The following GPC6 variants were observed in gnomAD, a reference collection of about 807,000 sequenced individuals.
GPC6 encodes the protein glypican-6.
Under a neutral mutation model 55.2 loss-of-function variants are expected in GPC6, and 14 were observed. That is an observed-to-expected ratio of 0.25 (90% confidence interval 0.17 to 0.40). The LOEUF (loss-of-function observed/expected upper bound fraction) is 0.40, where lower values mean the gene tolerates loss of function less well. GPC6 is among the 10% of genes least tolerant of loss of function. The pLI, the probability that GPC6 is intolerant of heterozygous loss-of-function variation, is 1.00. For synonymous variants in GPC6, 278 were observed against 259.6 expected, an observed-to-expected ratio of 1.07 and a Z score of -0.68; for missense variants, 641 against 708.5, an observed-to-expected ratio of 0.90 and a Z score of 1.08.
chr13:94,307,588 C>T (rs1876016832), intron 6 of GPC6, among the ~76,000 whole-genome samples: 2 of 152,194 alleles, frequency 1.3e-5, no homozygotes, highest in Admixed American at 1.3e-4. Context: ...GCTGGGATTA[C>T]AGGCATGAGC....
intron 2 of GPC6, among the ~76,000 whole-genome samples, chr13:93,670,170 C>A (rs1465852618): frequency 1.3e-5 from 2 of 152,104 alleles, no homozygotes; most frequent in Admixed American, 1.3e-4. Context: ...AGTTTGCTTG[C>A]CAATAATAAA....
intron 4 of GPC6, among the ~76,000 whole-genome samples, chr13:94,272,366 C>T (rs751019046): frequency 2.6e-5 from 4 of 151,328 alleles, no homozygotes; most frequent in Non-Finnish European, 4.4e-5. Context: ...TGCTTAACTG[C>T]AATATGCTGG....
chr13:93,384,256 A>G (rs1403058724), intron 1 of GPC6, among the ~76,000 whole-genome samples: 2 of 152,168 alleles, frequency 1.3e-5, no homozygotes, highest in Non-Finnish European at 2.9e-5. Flanking sequence ...TGCTTTAGAG[A>G]CAAAAAGGAA....
intron 2 of GPC6, among the ~76,000 whole-genome samples, chr13:93,819,744 A>G (rs566474037): frequency 6.6e-6 from 1 of 152,344 alleles, no homozygotes; most frequent in African/African-American, 2.4e-5. Context: ...CACATTTCAG[A>G]CTTAATTCAT....
chr13:93,435,505 T>C (rs1448198253), intron 1 of GPC6, among the ~76,000 whole-genome samples: 1 of 152,130 alleles, frequency 6.6e-6, no homozygotes, highest in African/African-American at 2.4e-5. Context: ...GTTTTGTTTG[T>C]AAAATCAGAT....
chr13:93,973,953 C>T (rs905693960), intron 3 of GPC6, among the ~76,000 whole-genome samples: 2 of 152,194 alleles, frequency 1.3e-5, no homozygotes, highest in Non-Finnish European at 2.9e-5. Context: ...TTTCTTTCAA[C>T]TCAACTCTCC....
At chr13:93,561,426 T>TATATATATATATATATATATATA (rs61094312) in intron 2 of GPC6, among the ~76,000 whole-genome samples, 117 of 143,342 alleles carry the variant, frequency 8.2e-4, no homozygotes, top group African/African-American at 1.2e-3. Context: ...TATATATATA[T>TATATATATATATATATATATATA]TTGTTGCAGT....
intron 1 of GPC6, among the ~76,000 whole-genome samples, chr13:93,481,888 C>G (rs1879535648): frequency 6.6e-6 from 1 of 152,040 alleles, no homozygotes; most frequent in African/African-American, 2.4e-5. Flanking sequence ...ATCATTTTTA[C>G]TATTTGCGTT....
At chr13:94,343,954 C>A (rs1257878954) in intron 6 of GPC6, among the ~76,000 whole-genome samples, 1 of 152,144 alleles carries the variant, frequency 6.6e-6, no homozygotes, top group East Asian at 1.9e-4. Flanking sequence ...TGGTGTCGAA[C>A]TCCTGGGCTC....
At chr13:93,464,324 C>T (rs1293084909) in intron 1 of GPC6, among the ~76,000 whole-genome samples, 1 of 152,150 alleles carries the variant, frequency 6.6e-6, no homozygotes, top group Non-Finnish European at 1.5e-5. Flanking sequence ...TTCCCTGTAG[C>T]ATGTGATCCT....
chr13:94,213,012 C>T (rs550207873), intron 4 of GPC6, among the ~76,000 whole-genome samples: 19 of 152,110 alleles, frequency 1.2e-4, no homozygotes, highest in Middle Eastern at 3.4e-3. Context: ...AAAAATTAGC[C>T]GAGCGTGATG....
At chr13:93,588,861 TC>T (rs1394199114) in intron 2 of GPC6, among the ~76,000 whole-genome samples, 1 of 152,116 alleles carries the variant, frequency 6.6e-6, no homozygotes, top group Non-Finnish European at 1.5e-5. Flanking sequence ...GTATATCACC[TC>T]CCATCATAGA....
chr13:93,605,376 A>T (rs1436385349), intron 2 of GPC6, among the ~76,000 whole-genome samples: 1 of 152,220 alleles, frequency 6.6e-6, no homozygotes. Context: ...GTACCAACAG[A>T]TGAATAGTTA....
At chr13:94,387,567 T>G (rs1880462147) in intron 7 of GPC6, among the ~76,000 whole-genome samples, 1 of 152,218 alleles carries the variant, frequency 6.6e-6, no homozygotes, top group Non-Finnish European at 1.5e-5. Flanking sequence ...TCTGATTCAG[T>G]AAGTGCTATG....
intron 1 of GPC6, among the ~76,000 whole-genome samples, chr13:93,404,731 T>G (rs2139236633): frequency 6.6e-6 from 1 of 152,314 alleles, no homozygotes; most frequent in East Asian, 1.9e-4. Flanking sequence ...AAATTCCTAT[T>G]CCCTATAAAA....
At chr13:94,118,681 T>A (rs1246225540) in intron 4 of GPC6, among the ~76,000 whole-genome samples, 1 of 152,136 alleles carries the variant, frequency 6.6e-6, no homozygotes. Flanking sequence ...CTTTTTGAAG[T>A]TTATTCTCCC....
chr13:94,102,794 G>A (rs192309159), intron 4 of GPC6, among the ~76,000 whole-genome samples: 40 of 152,188 alleles, frequency 2.6e-4, no homozygotes, highest in African/African-American at 9.4e-4. Context: ...AGAGTCAGAG[G>A]ACCTGAGCCC....
At chr13:93,712,384 G>C (rs551267643) in intron 2 of GPC6, among the ~76,000 whole-genome samples, 169 of 151,788 alleles carry the variant, frequency 1.1e-3, no homozygotes, top group African/African-American at 4.0e-3. Flanking sequence ...ATGAAATGCA[G>C]GGAGGTAGCA....
intron 1 of GPC6, among the ~76,000 whole-genome samples, chr13:93,418,401 GTAT>G: frequency 1.3e-5 from 2 of 150,990 alleles, no homozygotes; most frequent in East Asian, 1.9e-4. Context: ...CTATACCGTA[GTAT>G]TATTTTATTA....
Sources: gnomAD v4.1 joint callset for allele counts (sites outside exome capture counted in the v4.1 genomes callset) on GRCh38, gnomAD v4.1.1 for gene constraint, MANE v1.5 for transcripts, NCBI Gene and HGNC (gene_info 2026-07-23, HGNC 2026-07-21) for gene names.